Variants in PACRGL observed in about 807,000 individuals in gnomAD.
The protein encoded by PACRGL is PACRG-like protein.
A neutral mutation model predicts 34.5 loss-of-function variants in PACRGL; 38 were observed. The ratio of observed to expected loss-of-function variants is 1.10; its 90% CI spans 0.85 to 1.44. The LOEUF (loss-of-function observed/expected upper bound fraction) is 1.44. Ranked by LOEUF, PACRGL falls within the 40% of genes most tolerant of loss-of-function variation. The pLI, the probability that PACRGL is intolerant of heterozygous loss-of-function variation, is 0.00. For synonymous variants in PACRGL, 128 were observed against 100.1 expected (o/e 1.28, Z -1.66); for missense variants, 305 against 281.4 (o/e 1.08, Z -0.60).
intron 8 of PACRGL, among the ~76,000 whole-genome samples, chr4:20,742,483 C>A (rs944651521): frequency 2.6e-5 from 4 of 152,086 alleles, no homozygotes; most frequent in African/African-American, 9.7e-5. Flanking sequence ...ATTATCTCAA[C>A]AGACACAGAA....
At chr4:20,700,254 C>CTT (rs1175531947), upstream of PACRGL, among the ~76,000 whole-genome samples, 17 of 152,242 alleles carry the variant, frequency 1.1e-4, no homozygotes. Flanking sequence ...ATTCGAAAAA[C>CTT]ATCCTCCACC....
chr4:20,733,288 CAT>C (rs1748796556), downstream of PACRGL, among the ~76,000 whole-genome samples: 1 of 152,100 alleles, frequency 6.6e-6, no homozygotes, highest in South Asian at 2.1e-4. Context: ...ACTTAAGTCA[CAT>C]GTGAAGACTA....
At chr4:20,735,518 G>GTTTTTTTT (rs754949562), downstream of PACRGL, among the ~76,000 whole-genome samples, 2 of 130,810 alleles carry the variant, frequency 1.5e-5, no homozygotes, top group African/African-American at 5.8e-5. Flanking sequence ...TTCATTTAGT[G>GTTTTTTTT]TTTTTTTTTT....
intron 8 of PACRGL, among the ~76,000 whole-genome samples, chr4:20,738,147 C>T (rs2149289443): frequency 1.3e-5 from 2 of 151,012 alleles, no homozygotes; most frequent in Middle Eastern, 3.4e-3. Flanking sequence ...AAAAAAAAAT[C>T]CTTAGCTTTT....
upstream of PACRGL, among the ~76,000 whole-genome samples, chr4:20,699,280 C>T (rs191186814): frequency 1.5e-4 from 23 of 151,696 alleles, no homozygotes; most frequent in African/African-American, 4.4e-4. Flanking sequence ...GCATGCATTG[C>T]GCTAGGCATT....
chr4:20,715,386 CACA>C (rs1371428560), intron 7 of PACRGL, among the ~76,000 whole-genome samples: 5 of 151,962 alleles, frequency 3.3e-5, no homozygotes, highest in African/African-American at 9.7e-5. Context: ...AACTAACCTG[CACA>C]TTGTGCACAT....
chr4:20,697,849 T>C (rs1731307206), upstream of PACRGL, among the ~76,000 whole-genome samples: 1 of 152,144 alleles, frequency 6.6e-6, no homozygotes, highest in African/African-American at 2.4e-5. Context: ...CCTCTATTAT[T>C]AGGGCACTAA....
intron 8 of PACRGL, among the ~76,000 whole-genome samples, chr4:20,744,216 C>A (rs1438491324): frequency 6.6e-6 from 1 of 152,162 alleles, no homozygotes; most frequent in East Asian, 1.9e-4. Context: ...CCTCAAGGAG[C>A]TAGAACTAGA....
intron 7 of PACRGL, 62 bp from the exon 8 acceptor site, chr4:20,724,746 G>A: frequency 2.2e-6 from 2 of 907,728 alleles, no homozygotes; most frequent in South Asian, 5.3e-5. Flanking sequence ...ATTTACTTAT[G>A]CGTATGGTGA....
chr4:20,744,350 G>A (rs1455927739), intron 8 of PACRGL, among the ~76,000 whole-genome samples: 2 of 152,122 alleles, frequency 1.3e-5, no homozygotes, highest in African/African-American at 4.8e-5. Context: ...CAAAGACTTG[G>A]TACCAACCCA....
At chr4:20,702,035 CAT>C (rs1732403241) in intron 1 of PACRGL, 1 of 438,162 alleles carries the variant, frequency 2.3e-6, no homozygotes, top group South Asian at 1.6e-5. Flanking sequence ...CCTGTATACT[CAT>C]AAACTGTAGA....
chr4:20,742,146 G>C lies in PACRGL; in HGVS notation c.*57-10419G>C, dbSNP rs866459386. Among the ~76,000 whole-genome samples the C allele has an allele frequency of 1.4e-4, 22 of 152,276 alleles. No homozygotes were observed. In the South Asian group the frequency reaches 3.9e-3, roughly 27 times the overall value. ...AGCTGAATTCTACCAGAGGTACAAA[G>C]AGGAGCTGGTACCATTTCTTCTGAA... On this transcript the variant is annotated intron_variant, in intron 8 of 8. Coordinates refer to the PACRGL transcript ENST00000507634.
chr4:20,704,368 A>G (rs1733603297), intron 1 of PACRGL, 98 bp from the exon 2 acceptor site: 5 of 1,089,032 alleles, frequency 4.6e-6, no homozygotes, highest in Non-Finnish European at 5.3e-6. Flanking sequence ...TGTGTCTTTT[A>G]CTGTATTGTA....
At chr4:20,700,945 T>C (rs905593037) in intron 1 of PACRGL, among the ~76,000 whole-genome samples, 158 bp downstream of exon 1, 3 of 151,948 alleles carry the variant, frequency 2.0e-5, no homozygotes, top group Admixed American at 6.6e-5. Context: ...AGGTGGAAAA[T>C]AGATTCTAAG....
At chr4:20,759,060 A>G in the PACRGL span, among the ~76,000 whole-genome samples, 110,262 of 151,972 alleles carry the variant, frequency 0.73, 40,163 homozygotes, top group African/African-American at 0.8. Flanking sequence ...TGTTTGTTCC[A>G]GTTCTCACAA....
chr4:20,743,131 T>C (rs1468733837), intron 8 of PACRGL, among the ~76,000 whole-genome samples: 2 of 152,092 alleles, frequency 1.3e-5, no homozygotes, highest in African/African-American at 4.8e-5. Flanking sequence ...CACAAACAAA[T>C]GGAAGAACAT....
intron 8 of PACRGL, 109 bp downstream of exon 8, chr4:20,724,997 CTA>C (rs1485600119): frequency 1.3e-5 from 8 of 593,942 alleles, no homozygotes; most frequent in East Asian, 3.4e-5. Flanking sequence ...CCACAGGTAA[CTA>C]TGTGAAATTG....
At chr4:20,719,060 AG>A (rs1271865590) in intron 7 of PACRGL, 1 of 152,062 alleles carries the variant, frequency 6.6e-6, no homozygotes, top group Non-Finnish European at 1.5e-5. Context: ...TAGTCTTGGG[AG>A]GGTGTATGTG....
rs568750655 is a variant in PACRGL, at chr4:20,702,014, A to T, written c.-17+1227A>T. On this transcript the variant is annotated intron_variant, in intron 1 of 8. Coordinates refer to ENST00000503585, the MANE Select transcript of PACRGL (RefSeq NM_001258345.3). Reference sequence around the variant, plus strand: ...TAATGCTGAAAATTATATATTGTACATAAAAGTTGTCCTGTATACTCATAA... The same window carrying T: ...TAATGCTGAAAATTATATATTGTACTTAAAAGTTGTCCTGTATACTCATAA... 8 of 442,082 alleles carry T rather than the reference A, an allele frequency of 1.8e-5. No homozygotes were observed. The Admixed American group carries it at 1.9e-4, about 11-fold the overall frequency. The allele number at this position is 442,082 out of a possible 1,614,324, so 27.4% of individuals were successfully genotyped here.
Sources: gnomAD v4.1 joint callset for allele counts (sites outside exome capture counted in the v4.1 genomes callset) on GRCh38, gnomAD v4.1.1 for gene constraint, MANE v1.5 for transcripts, NCBI Gene and HGNC (gene_info 2026-07-23, HGNC 2026-07-21) for gene names.